Variants in UBA6 observed in about 807,000 individuals in gnomAD.
UBA6 encodes ubiquitin like modifier activating enzyme 6.
UBA6 carries 87 observed loss-of-function variants against 148.3 expected under a neutral mutation model. That is an observed-to-expected ratio of 0.59 (90% CI 0.49 to 0.70). The LOEUF is 0.70. Ranked by LOEUF, UBA6 falls within the 30% of genes least tolerant of loss-of-function variation. UBA6 has a pLI of 0.00. For missense variants in UBA6, 1,186 were observed against 1,241.2 expected, an observed-to-expected ratio of 0.96 and a Z score of 0.67; for synonymous variants, 376 against 401.0, an observed-to-expected ratio of 0.94 and a Z score of 0.75.
Position 67,624,268 on chromosome 4 carries a change from G to C in UBA6, c.2713-15C>G. On this transcript the variant is annotated splice_polypyrimidine_tract_variant and intron_variant, in intron 29 of 32. Transcript: ENST00000322244. ...TCCAAGGCAACCTAGATAAAAGAAG[G>C]TGATCTGATAATATAAACAGCCTAA... is the stretch of plus-strand genomic sequence containing the variant. 1 of 1,587,614 alleles carries C rather than the reference G, an allele frequency of 6.3e-7. No individual in the cohort carries two copies. Among genetic ancestry groups the C allele is most frequent in the Non-Finnish European group, 8.5e-7 (1 of 1,170,966 alleles).
intron 2 of UBA6, among the ~76,000 whole-genome samples, chr4:67,691,481 C>T (rs1730692530): frequency 6.6e-6 from 1 of 152,142 alleles, no homozygotes; most frequent in Admixed American, 6.5e-5. Context: ...CTGGTTAAAG[C>T]ACATGTGACT....
chr4:67,646,933 T>G (rs1729434130), intron 14 of UBA6, 142 bp from the exon 15 acceptor site: 1 of 242,436 alleles, frequency 4.1e-6, no homozygotes, highest in South Asian at 1.5e-4. Flanking sequence ...AAAAATATAA[T>G]TAAAAATATA....
chr4:67,652,922 G>T (rs147069599), intron 13 of UBA6, among the ~76,000 whole-genome samples: 1 of 152,232 alleles, frequency 6.6e-6, no homozygotes, highest in African/African-American at 2.4e-5. Flanking sequence ...CTTGCTCACT[G>T]CTAGCGCAGC....
intron 13 of UBA6, among the ~76,000 whole-genome samples, chr4:67,660,971 A>G (rs1340976484): frequency 2.0e-5 from 3 of 152,160 alleles, no homozygotes; most frequent in African/African-American, 7.2e-5. Flanking sequence ...TGATTGCCCT[A>G]TGGGATTTTA....
chr4:67,622,786 C>CAAA, intron 32 of UBA6, 45 bp downstream of exon 32: 1 of 1,380,906 alleles, frequency 7.2e-7, no homozygotes, highest in Non-Finnish European at 1.0e-6. Context: ...CATCAACTTA[C>CAAA]ATTTAAATTC....
chr4:67,631,989 G>T, intron 23 of UBA6, 81 bp from the exon 24 acceptor site: 1 of 1,326,022 alleles, frequency 7.5e-7, no homozygotes, highest in Non-Finnish European at 1.0e-6. Context: ...TAAAAAATGT[G>T]TGTAGTAAAT....
At position 67,619,803 on chromosome 4, in the gene UBA6, C is replaced by A. The variant is rs74460396; in HGVS notation, c.3024-671G>T. On this transcript the variant is annotated intron_variant, in intron 32 of 32. Transcript: ENST00000322244. ...TTATGTCCAATCTTTATCCTATTTACTGAAAAATCACTCTTTGCTATAGCC... is the reference window on the plus strand; with the variant it reads ...TTATGTCCAATCTTTATCCTATTTAATGAAAAATCACTCTTTGCTATAGCC... Among the ~76,000 whole-genome samples, 3 of 152,262 alleles carry A rather than the reference C, an allele frequency of 2.0e-5. No homozygotes were observed. In the East Asian group the frequency reaches 5.8e-4, roughly 29 times the overall value.
At chr4:67,697,741 T>C (rs535391442) in intron 1 of UBA6, among the ~76,000 whole-genome samples, 1 of 152,324 alleles carries the variant, frequency 6.6e-6, no homozygotes, top group South Asian at 2.1e-4. Flanking sequence ...TTTCAATCAG[T>C]ACAATCTCAA....
At chr4:67,624,832 G>T (rs1475793876) in intron 29 of UBA6, among the ~76,000 whole-genome samples, 162 bp downstream of exon 29, 2 of 151,986 alleles carry the variant, frequency 1.3e-5, no homozygotes, top group Non-Finnish European at 2.9e-5. Context: ...TCACAATACA[G>T]ATGACTGCAT....
At chr4:67,646,552 AAGTAG>A (rs1397275116) in intron 15 of UBA6, among the ~76,000 whole-genome samples, 167 bp downstream of exon 15, 1 of 152,208 alleles carries the variant, frequency 6.6e-6, no homozygotes, top group East Asian at 1.9e-4. Context: ...ACTATTTATC[AAGTAG>A]TAAAGAGATA....
intron 17 of UBA6, among the ~76,000 whole-genome samples, chr4:67,643,029 A>T (rs1729342755): frequency 6.6e-6 from 1 of 151,854 alleles, no homozygotes; most frequent in Admixed American, 6.6e-5. Context: ...CTTTATGTAA[A>T]AATTTCAGTG....
chr4:67,619,157 T>C, intron 32 of UBA6, 25 bp from the exon 33 acceptor site: 1 of 1,559,156 alleles, frequency 6.4e-7, no homozygotes, highest in East Asian at 2.2e-5. Context: ...CAAGAATGAA[T>C]ACTTTGGTAA....
At position 67,649,207 on chromosome 4, in the gene UBA6, T is replaced by A. The variant is rs1172182396; in HGVS notation, c.1109A>T (p.Asp370Val). 1 of 1,607,496 alleles carries A rather than the reference T, an allele frequency of 6.2e-7. No homozygotes were observed. The highest frequency in any genetic ancestry group is 1.3e-5 in the African/African-American group (1 of 74,574). ...SISETLEEKPDVNADIVHWLS... is the reference protein window; with the variant it reads ...SISETLEEKPVVNADIVHWLS... ...CCAATGCACAATGTCAGCATTTACATCAGGCTAAAACAAAAGCCATAAAAG... is the reference window on the plus strand; with the variant it reads ...CCAATGCACAATGTCAGCATTTACAACAGGCTAAAACAAAAGCCATAAAAG... Residue 370 changes from aspartate to valine, a missense_variant, in exon 14 of 33, where the codon GAT becomes GTT. Transcript: ENST00000322244.
chr4:67,674,350 C>G (rs1470526600), intron 6 of UBA6, among the ~76,000 whole-genome samples: 1 of 152,118 alleles, frequency 6.6e-6, no homozygotes, highest in Non-Finnish European at 1.5e-5. Context: ...GAGGTCATTT[C>G]TCAGAATTGT....
rs142488478 is a variant in UBA6 at position 67,686,562 on chromosome 4, G to T, written c.135-4349C>A. On this transcript the variant is annotated intron_variant, in intron 2 of 32. Transcript: ENST00000322244. ...TAAACTACTAGAATCCCTGTGACAT[G>T]GTACTGGGAGAGACAGATAGACAAA... 1.0e-3 allele frequency among the ~76,000 whole-genome samples: 157 copies of T among 152,182 alleles called. 2 individuals carry two copies. Among genetic ancestry groups the T allele is most frequent in the African/African-American group, 3.6e-3 (149 of 41,518 alleles).
At chr4:67,624,040 A>C in intron 30 of UBA6, 86 bp downstream of exon 30, 1 of 1,167,002 alleles carries the variant, frequency 8.6e-7, no homozygotes, top group Non-Finnish European at 1.2e-6. Flanking sequence ...AAGAAAAAAG[A>C]GGTGAAGCTA....
chr4:67,629,025 C>G (rs1194877450), intron 27 of UBA6, 46 bp downstream of exon 27: 1 of 1,364,920 alleles, frequency 7.3e-7, no homozygotes, highest in Admixed American at 1.7e-5. Context: ...TGGTACAAGT[C>G]CAAATTCCCA....
At chr4:67,699,850 T>A (rs1187198810) in intron 1 of UBA6, among the ~76,000 whole-genome samples, 1 of 152,200 alleles carries the variant, frequency 6.6e-6, no homozygotes, top group Non-Finnish European at 1.5e-5. Context: ...GCGACCCGCC[T>A]GCTTCGACCT....
intron 2 of UBA6, among the ~76,000 whole-genome samples, chr4:67,684,439 G>A (rs571074664): frequency 6.6e-6 from 1 of 151,996 alleles, no homozygotes; most frequent in African/African-American, 2.4e-5. Context: ...CTTTTTTTAT[G>A]TGTTAATCCA....
Sources: gnomAD v4.1 joint callset for allele counts (sites outside exome capture counted in the v4.1 genomes callset) on GRCh38, gnomAD v4.1.1 for gene constraint, MANE v1.5 for transcripts, NCBI Gene and HGNC (gene_info 2026-07-23, HGNC 2026-07-21) for gene names.